The following COL25A1 variants were observed in gnomAD, a reference collection of about 807,000 sequenced individuals.
The protein encoded by COL25A1 is collagen alpha-1(XXV) chain.
A neutral mutation model predicts 128.4 loss-of-function variants in COL25A1; 103 were observed. The ratio of observed to expected loss-of-function variants is 0.80; its 90% CI spans 0.68 to 0.94. The LOEUF (loss-of-function observed/expected upper bound fraction) is 0.94, where lower values mean the gene tolerates loss of function less well. Among genes scored for constraint, COL25A1 ranks in the 40% least tolerant of loss-of-function variants. The pLI is 0.00. For missense variants in COL25A1, 745 were observed against 840.0 expected (o/e 0.89, Z 1.40); for synonymous variants, 279 against 277.2 (o/e 1.01, Z -0.06).
intron 3 of COL25A1, among the ~76,000 whole-genome samples, chr4:109,068,143 G>C (rs768784491): frequency 2.6e-5 from 4 of 152,174 alleles, no homozygotes; most frequent in Non-Finnish European, 5.9e-5. Flanking sequence ...TGCTGGACTT[G>C]GGAAACTAAT....
intron 4 of COL25A1, among the ~76,000 whole-genome samples, 168 bp from the exon 5 acceptor site, chr4:109,048,343 G>A (rs1382618726): frequency 6.6e-6 from 1 of 152,082 alleles, no homozygotes; most frequent in East Asian, 1.9e-4. Context: ...TGGAGCCTTT[G>A]AGACCATTTC....
chr4:108,883,248 C>T (rs903478003), intron 19 of COL25A1, among the ~76,000 whole-genome samples: 3 of 151,914 alleles, frequency 2.0e-5, no homozygotes, highest in East Asian at 1.9e-4. Context: ...AGGCTGGTTT[C>T]GAACTCCTGA....
intron 5 of COL25A1, among the ~76,000 whole-genome samples, chr4:109,021,390 A>T (rs971987251): frequency 6.6e-6 from 1 of 152,204 alleles, no homozygotes; most frequent in African/African-American, 2.4e-5. Flanking sequence ...TTTCATGGAC[A>T]TTTATCACTT....
intron 6 of COL25A1, among the ~76,000 whole-genome samples, chr4:108,990,251 T>A (rs1418524943): frequency 3.0e-4 from 28 of 93,526 alleles, no homozygotes; most frequent in East Asian, 9.5e-4. Context: ...TATATATATA[T>A]ATATATATAT....
intron 3 of COL25A1, among the ~76,000 whole-genome samples, chr4:109,223,662 C>T (rs1045911620): frequency 2.7e-5 from 4 of 150,492 alleles, no homozygotes; most frequent in African/African-American, 9.8e-5. Flanking sequence ...CTCTAAGCTT[C>T]TTAGTAGAGT....
intron 3 of COL25A1, among the ~76,000 whole-genome samples, chr4:109,236,155 A>T (rs1482931465): frequency 2.6e-5 from 4 of 152,128 alleles, no homozygotes; most frequent in African/African-American, 9.7e-5. Flanking sequence ...TTAGATTTTT[A>T]AAAGTATAAC....
intron 8 of COL25A1, among the ~76,000 whole-genome samples, chr4:108,947,688 G>C (rs1748940190): frequency 6.6e-6 from 1 of 152,044 alleles, no homozygotes; most frequent in Admixed American, 6.6e-5. Context: ...CAAAATGATA[G>C]ATGCATATAC....
chr4:108,849,358 C>A, intron 26 of COL25A1, among the ~76,000 whole-genome samples: 1 of 152,134 alleles, frequency 6.6e-6, no homozygotes, highest in East Asian at 1.9e-4. Context: ...TATCATAAAT[C>A]AGATATCTTA....
Position 109,110,350 on chromosome 4 carries a change from T to C in COL25A1, c.368-60171A>G, listed in dbSNP as rs571941657. On this transcript the variant is annotated intron_variant, in intron 3 of 37. Coordinates refer to ENST00000399132, the MANE Select transcript of COL25A1 (RefSeq NM_198721.4). ...CATCTCCTTGAAACTTCTTTCCTTT[T>C]GCTTCCCATAATCCCATTCTGCTAT... 3.0e-4 allele frequency among the ~76,000 whole-genome samples: 45 copies of C among 152,250 alleles called. 1 individual carries two copies. Among genetic ancestry groups the C allele is most frequent in the African/African-American group, 1.1e-3 (44 of 41,560 alleles).
intron 3 of COL25A1, among the ~76,000 whole-genome samples, chr4:109,192,389 C>G (rs1402972221): frequency 1.3e-5 from 2 of 152,172 alleles, no homozygotes; most frequent in Non-Finnish European, 2.9e-5. Flanking sequence ...TCAGCGGGAA[C>G]AGGCAGTGTT....
chr4:108,913,261 C>CTTTTTTTTTTTTTT (rs201929872), intron 13 of COL25A1, among the ~76,000 whole-genome samples: 6,223 of 91,570 alleles, frequency 0.068, 1,247 homozygotes, highest in East Asian at 0.27. Context: ...TCTCTAGCTC[C>CTTTTTTTTTTTTTT]TTTTTTTTTT....
rs564770008 is a variant in COL25A1 at position 108,814,282 on chromosome 4, T to A, written c.1963-353A>T. ...ATCACATATGTACCATAATTAAATT[T>A]AATTTTGTATTTGTAACCTACATAA... On this transcript the variant is annotated intron_variant, in intron 37 of 37. Transcript: ENST00000399132. Among the ~76,000 whole-genome samples the A allele has an allele frequency of 2.4e-4, 36 of 151,486 alleles. 1 individual carries two copies. The South Asian group carries it at 4.4e-3, about 19-fold the overall frequency.
chr4:108,985,503 A>G (rs972807492), intron 6 of COL25A1, among the ~76,000 whole-genome samples: 1 of 152,164 alleles, frequency 6.6e-6, no homozygotes, highest in African/African-American at 2.4e-5. Context: ...TAGACGTCAT[A>G]TTTTTACGGT....
intron 3 of COL25A1, among the ~76,000 whole-genome samples, chr4:109,286,296 CAAAG>C (rs1250811234): frequency 3.9e-5 from 6 of 152,084 alleles, no homozygotes; most frequent in African/African-American, 1.4e-4. Flanking sequence ...TCATCAAACA[CAAAG>C]AAAGAGTTCA....
At chr4:109,133,817 G>C (rs1043380232) in intron 3 of COL25A1, among the ~76,000 whole-genome samples, 1 of 151,940 alleles carries the variant, frequency 6.6e-6, no homozygotes, top group African/African-American at 2.4e-5. Context: ...TTAAACATTG[G>C]AAATAAAGAT....
At chr4:109,162,792 T>C (rs1772706652) in intron 3 of COL25A1, among the ~76,000 whole-genome samples, 2 of 152,154 alleles carry the variant, frequency 1.3e-5, no homozygotes, top group South Asian at 2.1e-4. Flanking sequence ...TCACTGAACA[T>C]GTGGGGAACT....
At chr4:108,862,911 G>A (rs1341411381) in intron 21 of COL25A1, among the ~76,000 whole-genome samples, 2 of 152,180 alleles carry the variant, frequency 1.3e-5, no homozygotes, top group African/African-American at 4.8e-5. Flanking sequence ...GACCACATTA[G>A]TTTGCAGAAA....
chr4:109,130,184 C>A (rs1769047546), intron 3 of COL25A1, among the ~76,000 whole-genome samples: 2 of 151,836 alleles, frequency 1.3e-5, no homozygotes, highest in Admixed American at 6.6e-5. Context: ...CTAAAATAGG[C>A]CATACTGATG....
chr4:109,125,304 G>T (rs1768489579), intron 3 of COL25A1, among the ~76,000 whole-genome samples: 1 of 152,134 alleles, frequency 6.6e-6, no homozygotes, highest in Non-Finnish European at 1.5e-5. Context: ...AATCTAGGTA[G>T]TTCCTTCAAT....
Sources: gnomAD v4.1 joint callset for allele counts (sites outside exome capture counted in the v4.1 genomes callset) on GRCh38, gnomAD v4.1.1 for gene constraint, MANE v1.5 for transcripts, NCBI Gene and HGNC (gene_info 2026-07-23, HGNC 2026-07-21) for gene names.